SLC24A2: variants seen among roughly 807,000 people sequenced by gnomAD.
SLC24A2 encodes the protein sodium/potassium/calcium exchanger 2.
A neutral mutation model predicts 62.0 loss-of-function variants in SLC24A2; 36 were observed. That is an observed-to-expected ratio of 0.58 (90% CI 0.44 to 0.77). SLC24A2 has a LOEUF of 0.77. Among genes scored for constraint, SLC24A2 ranks in the 30% least tolerant of loss-of-function variants. SLC24A2 has a pLI of 0.00. For missense variants in SLC24A2, 846 were observed against 817.9 expected (o/e 1.03, Z -0.42); for synonymous variants, 358 against 294.0 (o/e 1.22, Z -2.23).
At chr9:19,572,282 AT>A (rs1363500997) in intron 7 of SLC24A2, among the ~76,000 whole-genome samples, 5 of 149,930 alleles carry the variant, frequency 3.3e-5, no homozygotes, top group African/African-American at 4.9e-5. Context: ...AAAAAAAAAA[AT>A]GGAGCTACTA....
chr9:19,676,563 CAT>C (rs1388179126), intron 2 of SLC24A2, among the ~76,000 whole-genome samples: 3 of 152,060 alleles, frequency 2.0e-5, no homozygotes, highest in Non-Finnish European at 4.4e-5. Context: ...TTTTTTTCCA[CAT>C]GTGTATCTTA....
intron 2 of SLC24A2, among the ~76,000 whole-genome samples, chr9:19,718,478 T>G (rs1160655540): frequency 2.0e-5 from 2 of 100,836 alleles, no homozygotes; most frequent in Non-Finnish European, 4.3e-5. Context: ...TTTTTTTTTT[T>G]TTTTGTAATT....
chr9:19,752,180 G>C (rs1375582861), intron 2 of SLC24A2, among the ~76,000 whole-genome samples: 1 of 152,048 alleles, frequency 6.6e-6, no homozygotes, highest in Non-Finnish European at 1.5e-5. Context: ...AGAGAGAAGA[G>C]GTGCAGAAAG....
intron 2 of SLC24A2, among the ~76,000 whole-genome samples, chr9:19,776,933 C>G (rs1057212351): frequency 3.3e-5 from 5 of 152,190 alleles, no homozygotes; most frequent in Admixed American, 6.5e-5. Context: ...CTTGGAGGTA[C>G]AGAATCCCCC....
chr9:20,236,755 G>T, the SLC24A2 span, among the ~76,000 whole-genome samples: 4 of 152,252 alleles, frequency 2.6e-5, no homozygotes, highest in Middle Eastern at 3.4e-3. Context: ...GCCCTGAAAA[G>T]TAGAATTCTT....
chr9:19,580,284 C>G (rs1049127139), intron 5 of SLC24A2, among the ~76,000 whole-genome samples: 7 of 152,342 alleles, frequency 4.6e-5, no homozygotes, highest in African/African-American at 1.7e-4. Flanking sequence ...GCGCCATAGG[C>G]TAGAAGGATT....
chr9:20,085,214 G>A, the SLC24A2 span, among the ~76,000 whole-genome samples: 3 of 152,122 alleles, frequency 2.0e-5, no homozygotes, highest in Non-Finnish European at 4.4e-5. Context: ...GCCCAAGCTG[G>A]TCTCAAACTC....
chr9:19,508,116 T>C lies in SLC24A2; in HGVS notation c.*8037A>G, dbSNP rs1384854004. 1 of 152,234 alleles carries C rather than the reference T, an allele frequency of 6.6e-6. No homozygotes were observed. Among genetic ancestry groups the C allele is most frequent in the East Asian group, 1.9e-4 (1 of 5,202 alleles). The allele number at this position is 152,234 out of a possible 1,614,324, so 9.4% of individuals were successfully genotyped here. On this transcript the variant is annotated 3_prime_UTR_variant, in exon 11 of 11. Coordinates refer to ENST00000341998, the MANE Select transcript of SLC24A2 (RefSeq NM_020344.4). ...CTTAGCTTTGATGGCTTTTTAAGTA[T>C]GTGGATTGCTTGATGGTGGAAGCTG...
At chr9:19,766,489 T>G (rs1822518908) in intron 2 of SLC24A2, among the ~76,000 whole-genome samples, 1 of 152,214 alleles carries the variant, frequency 6.6e-6, no homozygotes, top group Non-Finnish European at 1.5e-5. Flanking sequence ...TTTTGCATGG[T>G]CATCCTTTTT....
At chr9:19,943,318 T>C in the SLC24A2 span, among the ~76,000 whole-genome samples, 1 of 152,212 alleles carries the variant, frequency 6.6e-6, no homozygotes. Flanking sequence ...TGGGCTTTCA[T>C]GTACTCACCC....
the SLC24A2 span, among the ~76,000 whole-genome samples, chr9:20,103,204 C>A: frequency 1.4e-4 from 21 of 152,342 alleles, no homozygotes; most frequent in Admixed American, 1.0e-3. Flanking sequence ...GAAGCTCAAA[C>A]TGGGTGGAGC....
At chr9:20,165,711 G>A in the SLC24A2 span, among the ~76,000 whole-genome samples, 1 of 151,782 alleles carries the variant, frequency 6.6e-6, no homozygotes, top group East Asian at 1.9e-4. Flanking sequence ...TAATTAATGT[G>A]TCTATAACTT....
chr9:20,213,700 CA>C, the SLC24A2 span, among the ~76,000 whole-genome samples: 14 of 152,066 alleles, frequency 9.2e-5, 1 homozygote, highest in African/African-American at 2.9e-4. Flanking sequence ...ACAATATTCT[CA>C]AAAAAATAGA....
chr9:19,806,542 C>A, the SLC24A2 span, among the ~76,000 whole-genome samples: 1 of 152,044 alleles, frequency 6.6e-6, no homozygotes, highest in African/African-American at 2.4e-5. Flanking sequence ...TAGTCTTTTT[C>A]TTTCAGTAAA....
intron 2 of SLC24A2, among the ~76,000 whole-genome samples, chr9:19,636,725 C>T (rs780097763): frequency 7.9e-5 from 12 of 152,066 alleles, no homozygotes; most frequent in African/African-American, 1.2e-4. Flanking sequence ...TGAGCCACCA[C>T]GCCTGGCCAG....
intron 2 of SLC24A2, among the ~76,000 whole-genome samples, chr9:19,677,276 G>T (rs144033980): frequency 0.023 from 3,493 of 152,286 alleles, 76 homozygotes; most frequent in East Asian, 0.093. Flanking sequence ...CTTGTCCTTT[G>T]CAGGGACATG....
the SLC24A2 span, among the ~76,000 whole-genome samples, chr9:19,889,352 G>A: frequency 2.0e-5 from 3 of 148,382 alleles, no homozygotes; most frequent in East Asian, 2.1e-4. Context: ...GCATTTGGTT[G>A]GTGTTCCATA....
chr9:19,806,327 A>T, the SLC24A2 span, among the ~76,000 whole-genome samples: 7 of 152,144 alleles, frequency 4.6e-5, no homozygotes, highest in Non-Finnish European at 8.8e-5. Flanking sequence ...AAATATGATT[A>T]GTTGTAGAGT....
At chr9:19,716,975 C>A (rs915504845) in intron 2 of SLC24A2, among the ~76,000 whole-genome samples, 1 of 152,186 alleles carries the variant, frequency 6.6e-6, no homozygotes, top group African/African-American at 2.4e-5. Flanking sequence ...GGTTCCACCA[C>A]TGCTCCTTTC....
Sources: allele counts gnomAD v4.1 joint callset (sites outside exome capture counted in the v4.1 genomes callset), GRCh38; gene constraint gnomAD v4.1.1; transcripts MANE v1.5; gene names NCBI Gene and HGNC (gene_info 2026-07-23, HGNC 2026-07-21).